FBN1: variants seen among roughly 807,000 people sequenced by gnomAD.
FBN1 encodes the protein fibrillin 1.
A neutral mutation model predicts 365.1 loss-of-function variants in FBN1; 29 were observed. The observed-to-expected ratio is 0.08, with a 90% CI of 0.06 to 0.11. The LOEUF (loss-of-function observed/expected upper bound fraction) is 0.11. Among genes scored for constraint, FBN1 ranks in the 10% least tolerant of loss-of-function variants. The pLI, the probability that FBN1 is intolerant of heterozygous loss-of-function variation, is 1.00. For missense variants in FBN1, 2,476 were observed against 3,703.2 expected, an observed-to-expected ratio of 0.67 and a Z score of 8.60; for synonymous variants, 1,210 against 1,270.5, an observed-to-expected ratio of 0.95 and a Z score of 1.01.
At chr15:48,472,483 C>A in intron 35 of FBN1, 68 bp downstream of exon 35, 297 of 1,257,370 alleles carry the variant, frequency 2.4e-4, no homozygotes, top group Middle Eastern at 4.3e-4. Context: ...AAAAAAGCAT[C>A]AGGAATGTTT....
intron 2 of FBN1, among the ~76,000 whole-genome samples, chr15:48,613,371 C>T (rs570680846): frequency 6.6e-6 from 1 of 152,220 alleles, no homozygotes; most frequent in African/African-American, 2.4e-5. Flanking sequence ...ATTCATGAAG[C>T]CATACAAGTC....
chr15:48,550,281 C>A (rs2044131601), intron 6 of FBN1, among the ~76,000 whole-genome samples: 1 of 152,110 alleles, frequency 6.6e-6, no homozygotes, highest in African/African-American at 2.4e-5. Flanking sequence ...AAGGGCAGAG[C>A]GTGTAGAAAG....
At position 48,488,182 on chromosome 15, in the gene FBN1, G is replaced by C; in HGVS notation, c.3268C>G (p.Pro1090Ala). 1 of 1,614,110 alleles carries C rather than the reference G, an allele frequency of 6.2e-7. No homozygotes were observed. The highest frequency in any genetic ancestry group is 1.3e-5 in the African/African-American group (1 of 75,014). Reference protein sequence around the residue: ...LCGRGQCVNTPGDFECKCDEG... With the variant: ...LCGRGQCVNTAGDFECKCDEG... ...TCACACTTGCATTCAAAGTCCCCAGGGGTGTTCACACACTGGCCTCTGCCA... is the reference window on the plus strand; with the variant it reads ...TCACACTTGCATTCAAAGTCCCCAGCGGTGTTCACACACTGGCCTCTGCCA... Residue 1090 changes from proline (P) to alanine (A), a missense_variant, in exon 27 of 66, where the codon CCT becomes GCT. Pro to Ala is a conservative substitution (Grantham distance 27, BLOSUM62 -1). Around this residue, in one of 5 missense-constraint regions of FBN1, gnomAD observed 1,780 missense variants for 2,840.8 expected, o/e 0.63. Coordinates refer to ENST00000316623, the MANE Select transcript of FBN1 (RefSeq NM_000138.5).
chr15:48,543,771 A>C (rs1379485324), intron 6 of FBN1, among the ~76,000 whole-genome samples: 20 of 152,186 alleles, frequency 1.3e-4, no homozygotes. Context: ...CAATTTCAGA[A>C]ATCTTATGTG....
chr15:48,532,444 G>A (rs1460106758), intron 8 of FBN1, among the ~76,000 whole-genome samples: 1 of 152,000 alleles, frequency 6.6e-6, no homozygotes, highest in Non-Finnish European at 1.5e-5. Context: ...ATAGATATAT[G>A]TGTGTCTATA....
At chr15:48,458,693 T>C (rs1443571820) in intron 43 of FBN1, among the ~76,000 whole-genome samples, 1 of 152,196 alleles carries the variant, frequency 6.6e-6, no homozygotes, top group Non-Finnish European at 1.5e-5. Flanking sequence ...AAAATTATAT[T>C]TTCTTTTCCT....
chr15:48,641,126 T>C (rs953229615), intron 2 of FBN1: 2 of 152,110 alleles, frequency 1.3e-5, no homozygotes, highest in Admixed American at 6.5e-5. Context: ...TAGAGAAAAA[T>C]GCAATTTTTG....
intron 54 of FBN1, among the ~76,000 whole-genome samples, chr15:48,434,220 T>C (rs1002347350): frequency 2.6e-5 from 4 of 151,048 alleles, no homozygotes; most frequent in African/African-American, 9.8e-5. Flanking sequence ...CTCCTAGAAA[T>C]AGAAAAGAAG....
At chr15:48,574,660 T>C (rs868832439) in intron 6 of FBN1, among the ~76,000 whole-genome samples, 1 of 151,730 alleles carries the variant, frequency 6.6e-6, no homozygotes, top group Non-Finnish European at 1.5e-5. Context: ...CTTATCACTA[T>C]AAAACCAGCC....
At chr15:48,500,001 G>T (rs927786836) in intron 17 of FBN1, among the ~76,000 whole-genome samples, 10 of 152,150 alleles carry the variant, frequency 6.6e-5, no homozygotes, top group African/African-American at 2.4e-4. Flanking sequence ...TGATGACATT[G>T]GAGGTAAATG....
At chr15:48,512,113 T>C (rs2043765202) in intron 13 of FBN1, among the ~76,000 whole-genome samples, 1 of 152,182 alleles carries the variant, frequency 6.6e-6, no homozygotes, top group African/African-American at 2.4e-5. Context: ...AAAATGGTCA[T>C]TTATATGTAG....
Position 48,412,591 on chromosome 15 carries a change from T to C in FBN1, c.8204A>G (p.Glu2735Gly), listed in dbSNP as rs1242567582. The C allele has an allele frequency of 6.2e-7, 1 of 1,614,128 alleles. No individual in the cohort carries two copies. The highest frequency in any genetic ancestry group is 1.1e-5 in the South Asian group (1 of 91,072). ...KRGRKRRSTN[E>G]TDASNIEDQS... ...CACCTCGATATTGGAGGCATCAGTT[T>C]CGTTTGTGCTTCTCCGTTTCCTGCC... Residue 2735 changes from glutamate to glycine, a missense_variant, in exon 65 of 66, where the codon GAA becomes GGA. Physicochemically the swap from Glu to Gly is moderately conservative, Grantham distance 98. Transcript: ENST00000316623.
At chr15:48,447,299 C>T (rs1229005088) in intron 46 of FBN1, among the ~76,000 whole-genome samples, 5 of 152,146 alleles carry the variant, frequency 3.3e-5, no homozygotes, top group African/African-American at 1.2e-4. Flanking sequence ...AGCTTTCTAG[C>T]TCACCTGTCA....
At chr15:48,512,941 T>A (rs1231612798) in intron 13 of FBN1, among the ~76,000 whole-genome samples, 2 of 152,208 alleles carry the variant, frequency 1.3e-5, no homozygotes, top group East Asian at 3.8e-4. Flanking sequence ...TTGGGTGGCT[T>A]AATAAATTAG....
intron 6 of FBN1, among the ~76,000 whole-genome samples, chr15:48,564,540 C>T (rs2044246212): frequency 6.6e-6 from 1 of 151,482 alleles, no homozygotes; most frequent in African/African-American, 2.4e-5. Context: ...TCTTTGCCTT[C>T]TCAAATGCTT....
At chr15:48,628,218 C>T (rs1889922813) in intron 2 of FBN1, among the ~76,000 whole-genome samples, 1 of 152,046 alleles carries the variant, frequency 6.6e-6, no homozygotes, top group Non-Finnish European at 1.5e-5. Flanking sequence ...CCTTCCTTTC[C>T]CCAAAGGGGA....
intron 6 of FBN1, among the ~76,000 whole-genome samples, chr15:48,543,147 A>G (rs2044070904): frequency 6.6e-6 from 1 of 152,206 alleles, no homozygotes; most frequent in Admixed American, 6.5e-5. Flanking sequence ...CAAAGTCAAA[A>G]TTTAGGAAGG....
intron 2 of FBN1, among the ~76,000 whole-genome samples, chr15:48,626,015 T>G (rs1388514455): frequency 6.6e-6 from 1 of 152,146 alleles, no homozygotes; most frequent in African/African-American, 2.4e-5. Context: ...TTTAATTTAT[T>G]TAAAAAGGTG....
chr15:48,558,522 G>A (rs919945647), intron 6 of FBN1, among the ~76,000 whole-genome samples: 8 of 152,286 alleles, frequency 5.3e-5, no homozygotes, highest in African/African-American at 1.9e-4. Flanking sequence ...TGTTTTGGCT[G>A]TTTTGGCACA....
Sources: allele counts gnomAD v4.1 joint callset (sites outside exome capture counted in the v4.1 genomes callset), GRCh38; gene constraint gnomAD v4.1.1; regional missense constraint gnomAD v4.1.1; transcripts MANE v1.5; gene names NCBI Gene and HGNC (gene_info 2026-07-23, HGNC 2026-07-21).